RALYL: variants seen among roughly 807,000 people sequenced by gnomAD.
RALYL encodes RNA-binding Raly-like protein.
A neutral mutation model predicts 35.1 loss-of-function variants in RALYL; 29 were observed. The ratio of observed to expected loss-of-function variants is 0.83; its 90% CI spans 0.61 to 1.13. The LOEUF (loss-of-function observed/expected upper bound fraction) is 1.13. Ranked by LOEUF, RALYL falls within the 50% of genes most tolerant of loss-of-function variation. The pLI is 0.00. For missense variants in RALYL, 359 were observed against 360.4 expected, an observed-to-expected ratio of 1.00 and a Z score of 0.03; for synonymous variants, 120 against 127.6, an observed-to-expected ratio of 0.94 and a Z score of 0.40.
chr8:84,810,545 C>G (rs182864444), intron 4 of RALYL, among the ~76,000 whole-genome samples: 30 of 152,088 alleles, frequency 2.0e-4, no homozygotes, highest in African/African-American at 7.2e-4. Context: ...TCTTTGTTGA[C>G]TTTCTGTCTT....
At chr8:84,766,209 G>T (rs1415522473) in intron 2 of RALYL, among the ~76,000 whole-genome samples, 2 of 152,104 alleles carry the variant, frequency 1.3e-5, no homozygotes, top group Non-Finnish European at 2.9e-5. Context: ...GAGGAGCTCT[G>T]ATTTGCTGGA....
At chr8:84,854,124 T>A (rs1257072066) in intron 5 of RALYL, among the ~76,000 whole-genome samples, 2 of 152,060 alleles carry the variant, frequency 1.3e-5, no homozygotes, top group Middle Eastern at 3.2e-3. Flanking sequence ...GGCAGACGGA[T>A]CACCTGCAGT....
chr8:84,425,062 C>G (rs1471868032), intron 1 of RALYL, among the ~76,000 whole-genome samples: 1 of 152,208 alleles, frequency 6.6e-6, no homozygotes, highest in Non-Finnish European at 1.5e-5. Context: ...CCTCCTTGAG[C>G]TGTGGTGGGC....
At chr8:84,619,972 C>G (rs1308503688) in intron 2 of RALYL, among the ~76,000 whole-genome samples, 9 of 151,996 alleles carry the variant, frequency 5.9e-5, no homozygotes, top group Admixed American at 4.6e-4. Flanking sequence ...CGCTGTTAGT[C>G]TGATGGGCTT....
At chr8:84,391,371 C>T (rs555075165) in intron 1 of RALYL, among the ~76,000 whole-genome samples, 1 of 152,070 alleles carries the variant, frequency 6.6e-6, no homozygotes, top group South Asian at 2.1e-4. Flanking sequence ...TCCTATTTCA[C>T]ATCTTGTACT....
chr8:84,583,136 A>T (rs143971283), intron 2 of RALYL, among the ~76,000 whole-genome samples: 59 of 152,228 alleles, frequency 3.9e-4, no homozygotes, highest in African/African-American at 1.4e-3. Context: ...TTAACTTCTG[A>T]TAAATAACAG....
At chr8:84,501,473 A>G (rs2056650951) in intron 1 of RALYL, among the ~76,000 whole-genome samples, 1 of 152,080 alleles carries the variant, frequency 6.6e-6, no homozygotes, top group Non-Finnish European at 1.5e-5. Flanking sequence ...TAATATTCCA[A>G]TAAAAATCAC....
At chr8:84,817,371 T>C (rs1289731061) in intron 4 of RALYL, among the ~76,000 whole-genome samples, 1 of 152,044 alleles carries the variant, frequency 6.6e-6, no homozygotes, top group Non-Finnish European at 1.5e-5. Flanking sequence ...ACAGATGCTA[T>C]ATATTATTAT....
intron 2 of RALYL, among the ~76,000 whole-genome samples, chr8:84,593,662 A>T (rs1047152338): frequency 1.3e-5 from 2 of 152,062 alleles, no homozygotes; most frequent in Non-Finnish European, 2.9e-5. Flanking sequence ...CTCTGTACAT[A>T]GGCCATTTAT....
At chr8:84,775,075 G>A (rs956330203) in intron 3 of RALYL, among the ~76,000 whole-genome samples, 3 of 151,888 alleles carry the variant, frequency 2.0e-5, no homozygotes, top group South Asian at 2.1e-4. Context: ...TCAGCCTCCC[G>A]AGAAGCTGGG....
At chr8:84,579,064 C>T (rs1810203355) in intron 2 of RALYL, among the ~76,000 whole-genome samples, 1 of 152,182 alleles carries the variant, frequency 6.6e-6, no homozygotes, top group African/African-American at 2.4e-5. Context: ...ACATGTCATC[C>T]ATAGTGCCCA....
At chr8:84,791,520 T>A (rs918571286) in intron 3 of RALYL, among the ~76,000 whole-genome samples, 6 of 152,186 alleles carry the variant, frequency 3.9e-5, no homozygotes, top group Non-Finnish European at 8.8e-5. Flanking sequence ...AAGAGTACCA[T>A]GACAGAACTT....
At chr8:84,194,618 T>C (rs780581093) in intron 1 of RALYL, among the ~76,000 whole-genome samples, 1 of 152,180 alleles carries the variant, frequency 6.6e-6, no homozygotes, top group Admixed American at 6.5e-5. Context: ...TATTTGTTAA[T>C]ACATTTTTAT....
intron 3 of RALYL, among the ~76,000 whole-genome samples, chr8:84,803,559 A>C (rs906104860): frequency 1.3e-5 from 2 of 152,222 alleles, no homozygotes; most frequent in Non-Finnish European, 2.9e-5. Flanking sequence ...AAACCTCTCC[A>C]AACTCTTAGC....
chr8:84,801,557 G>A (rs1296883043), intron 3 of RALYL, among the ~76,000 whole-genome samples: 1 of 152,106 alleles, frequency 6.6e-6, no homozygotes, highest in Non-Finnish European at 1.5e-5. Context: ...GTAAAATGAA[G>A]GCTTCAAGAT....
rs1006567413 is a variant in RALYL at position 84,769,000 on chromosome 8, A to G, written c.257-5579A>G. 7.2e-5 allele frequency among the ~76,000 whole-genome samples: 11 copies of G among 152,332 alleles called. No homozygotes were observed. In the South Asian group the frequency reaches 1.9e-3, roughly 26 times the overall value. ...TTTTAAGAACAAGATAAATGCTACAATATTTTGTCAATAAACTTAAGTCTC... is the reference window on the plus strand; with the variant it reads ...TTTTAAGAACAAGATAAATGCTACAGTATTTTGTCAATAAACTTAAGTCTC... On this transcript the variant is annotated intron_variant, in intron 2 of 8. Transcript: ENST00000521268.
At chr8:84,441,829 C>G (rs2048360746) in intron 1 of RALYL, among the ~76,000 whole-genome samples, 1 of 152,034 alleles carries the variant, frequency 6.6e-6, no homozygotes, top group Non-Finnish European at 1.5e-5. Flanking sequence ...ACGTCAATTC[C>G]TCATCCCACT....
intron 7 of RALYL, among the ~76,000 whole-genome samples, chr8:84,887,167 T>C (rs974342452): frequency 1.3e-5 from 2 of 152,224 alleles, no homozygotes; most frequent in African/African-American, 4.8e-5. Context: ...AGGTTTGAAC[T>C]TGTCAATGAA....
chr8:84,726,582 T>G (rs1045398855), intron 2 of RALYL, among the ~76,000 whole-genome samples: 9 of 151,696 alleles, frequency 5.9e-5, no homozygotes, highest in African/African-American at 1.9e-4. Context: ...AATTCACATT[T>G]AAAAGAAACC....
Sources: gnomAD v4.1 joint callset for allele counts (sites outside exome capture counted in the v4.1 genomes callset) on GRCh38, gnomAD v4.1.1 for gene constraint, MANE v1.5 for transcripts, NCBI Gene and HGNC (gene_info 2026-07-23, HGNC 2026-07-21) for gene names.